Variants in CA5A observed in about 807,000 individuals in gnomAD.
The protein encoded by CA5A is carbonic anhydrase 5A, also known as carbonic anhydrase 5A, mitochondrial.
In CA5A, 28 loss-of-function variants were observed where a neutral mutation model predicts 37.1. That is an observed-to-expected ratio of 0.75 (90% confidence interval 0.56 to 1.03). The LOEUF (loss-of-function observed/expected upper bound fraction) is 1.03. CA5A is among the 50% of genes least tolerant of loss of function. CA5A has a pLI of 0.00. For missense variants in CA5A, 444 were observed against 399.9 expected (o/e 1.11, Z -0.94); for synonymous variants, 171 against 158.4 (o/e 1.08, Z -0.60).
intron 1 of CA5A, among the ~76,000 whole-genome samples, chr16:87,935,766 C>G (rs962318482): frequency 2.6e-5 from 4 of 151,818 alleles, no homozygotes; most frequent in African/African-American, 9.7e-5. Context: ...GTCCCAGTTA[C>G]TTTGGAGGCT....
chr16:87,920,454 C>CAT (rs1199272260), intron 2 of CA5A, among the ~76,000 whole-genome samples: 3 of 151,680 alleles, frequency 2.0e-5, no homozygotes, highest in Non-Finnish European at 4.4e-5. Flanking sequence ...GGATTACAGG[C>CAT]ATGCACCACC....
downstream of CA5A, chr16:87,886,211 G>A (rs1597535592): frequency 6.8e-6 from 1 of 147,834 alleles, no homozygotes; most frequent in Admixed American, 6.9e-5. Context: ...ATGCAATGGC[G>A]CGATCTCGGC....
chr16:87,893,090 G>A, intron 5 of CA5A: 1 of 752,868 alleles, frequency 1.3e-6, no homozygotes, highest in Non-Finnish European at 2.1e-6. Context: ...GCTGCCTGAA[G>A]GAACAGTTTG....
chr16:87,902,822 G>A (rs1005755006), intron 3 of CA5A, among the ~76,000 whole-genome samples: 1 of 151,688 alleles, frequency 6.6e-6, no homozygotes, highest in African/African-American at 2.4e-5. Flanking sequence ...TGAGGCAGGA[G>A]AATGGTGTGA....
chr16:87,882,353 CTGAT>C (rs1417543440), intron 4 of CA5A: 16 of 152,240 alleles, frequency 1.1e-4, no homozygotes, highest in African/African-American at 2.7e-4. Context: ...TTTTCCTTGA[CTGAT>C]TGCACAAATC....
intron 1 of CA5A, among the ~76,000 whole-genome samples, chr16:87,932,881 G>C (rs1567541008): frequency 6.6e-6 from 1 of 152,158 alleles, no homozygotes; most frequent in Non-Finnish European, 1.5e-5. Context: ...CACTAGGCTT[G>C]GCCACCTGGT....
chr16:87,903,008 CA>C (rs1374186062), intron 3 of CA5A, among the ~76,000 whole-genome samples: 1 of 151,750 alleles, frequency 6.6e-6, no homozygotes, highest in Non-Finnish European at 1.5e-5. Flanking sequence ...GACGAAGCCA[CA>C]GGAAGGAACA....
At chr16:87,905,083 CT>C (rs1261743708) in intron 2 of CA5A, among the ~76,000 whole-genome samples, 179 bp from the exon 3 acceptor site, 1 of 151,556 alleles carries the variant, frequency 6.6e-6, no homozygotes, top group Non-Finnish European at 1.5e-5. Context: ...GTCCCATTCA[CT>C]CTGCCCCCCC....
chr16:87,893,480 G>A (rs754401740), intron 5 of CA5A: 91 of 551,390 alleles, frequency 1.7e-4, no homozygotes, highest in Non-Finnish European at 2.4e-4. Context: ...CAGTATCTCC[G>A]TGATTACCTT....
intron 2 of CA5A, among the ~76,000 whole-genome samples, chr16:87,916,061 G>C (rs889703555): frequency 6.6e-6 from 1 of 151,698 alleles, no homozygotes; most frequent in Admixed American, 6.6e-5. Flanking sequence ...GGGGTTACTC[G>C]GGAGCCTGCG....
intron 6 of CA5A, among the ~76,000 whole-genome samples, chr16:87,891,143 G>A (rs1486575868): frequency 1.6e-4 from 23 of 142,786 alleles, no homozygotes; most frequent in East Asian, 4.1e-4. Context: ...ATTAATTTTC[G>A]AAAAAAAAAA....
downstream of CA5A, chr16:87,888,011 A>G: frequency 6.9e-7 from 1 of 1,443,722 alleles, no homozygotes; most frequent in African/African-American, 1.4e-5. Flanking sequence ...CGACTAAAAC[A>G]ATAACCTCAT....
intron 1 of CA5A, among the ~76,000 whole-genome samples, chr16:87,935,566 G>C (rs767674039): frequency 7.2e-5 from 11 of 152,116 alleles, no homozygotes; most frequent in Admixed American, 2.0e-4. Context: ...TTCACCCAAG[G>C]TCACCAAATA....
intron 2 of CA5A, among the ~76,000 whole-genome samples, chr16:87,905,163 G>C (rs1339143444): frequency 6.6e-6 from 1 of 152,044 alleles, no homozygotes; most frequent in African/African-American, 2.4e-5. Context: ...TGCTGCCACT[G>C]GGTGGTGGTG....
Position 87,936,337 on chromosome 16 carries a change from G to C in CA5A, c.114C>G (p.Ser38=). The C allele has an allele frequency of 6.2e-7, 1 of 1,613,920 alleles. No individual in the cohort carries two copies. Among genetic ancestry groups the C allele is most frequent in the South Asian group, 1.1e-5 (1 of 91,070 alleles). Residue 38 remains serine (S), a synonymous_variant, in exon 1 of 7, where the codon TCC becomes TCG. Coordinates refer to ENST00000649794, the MANE Select transcript of CA5A (RefSeq NM_001739.2). ...MRPGRWCSQR[S]CAWQTSNNTL... ...TGTTATTGCTGGTTTGCCATGCACAGGAACGCTGAGAACACCATCGCCCTG... is the reference window on the plus strand; with the variant it reads ...TGTTATTGCTGGTTTGCCATGCACACGAACGCTGAGAACACCATCGCCCTG...
rs1034586816 is a variant in CA5A, at chr16:87,911,832, G to A, written c.341-6928C>T. Among the ~76,000 whole-genome samples, 1 of 152,152 alleles carries A rather than the reference G, an allele frequency of 6.6e-6. No individual in the cohort carries two copies. The highest frequency in any genetic ancestry group is 1.9e-4 in the East Asian group (1 of 5,202). On this transcript the variant is annotated intron_variant, in intron 2 of 6. Coordinates refer to ENST00000649794, the MANE Select transcript of CA5A (RefSeq NM_001739.2). The surrounding 1 kb of genome is among the most constrained non-coding windows in gnomAD (Gnocchi z 4.6). Reference sequence around the variant, plus strand: ...TTTGCAAGTTGTTTTATAGGTCTGTGGCCCAGACTAGACGTTTATAAAAGG... The same window carrying A: ...TTTGCAAGTTGTTTTATAGGTCTGTAGCCCAGACTAGACGTTTATAAAAGG...
chr16:87,901,823 G>A (rs2055882273), intron 5 of CA5A, 89 bp downstream of exon 5: 7 of 1,063,028 alleles, frequency 6.6e-6, no homozygotes, highest in South Asian at 3.8e-5. Flanking sequence ...CCAACCTCAC[G>A]TGATCCACCT....
At chr16:87,881,575 A>G (rs1184961617) in exon 5 of CA5A, 2 of 152,386 alleles carry the variant, frequency 1.3e-5, no homozygotes, top group African/African-American at 4.8e-5. Context: ...TCTTTATTAA[A>G]CAAGAAAATA....
intron 1 of CA5A, among the ~76,000 whole-genome samples, chr16:87,930,668 C>T (rs1393761556): frequency 4.0e-5 from 6 of 151,316 alleles, no homozygotes. Flanking sequence ...CAGGGTGGTT[C>T]TGAGAGGGGC....
Sources: allele counts gnomAD v4.1 joint callset (sites outside exome capture counted in the v4.1 genomes callset), GRCh38; gene constraint gnomAD v4.1.1; non-coding constraint Gnocchi (gnomAD v3.1); transcripts MANE v1.5; gene names NCBI Gene and HGNC (gene_info 2026-07-23, HGNC 2026-07-21).